The following EXOC1 variants were observed in gnomAD, a reference collection of about 807,000 sequenced individuals.
EXOC1 encodes SEC3-like 1.
EXOC1 carries 67 observed loss-of-function variants against 107.7 expected under a neutral mutation model. The observed-to-expected ratio is 0.62, with a 90% CI of 0.51 to 0.76. The LOEUF (loss-of-function observed/expected upper bound fraction) is 0.76, where lower values mean the gene tolerates loss of function less well. EXOC1 is among the 30% of genes least tolerant of loss of function. EXOC1 has a pLI of 0.00. For missense variants in EXOC1, 833 were observed against 1,055.7 expected (o/e 0.79, Z 2.92); for synonymous variants, 348 against 353.5 (o/e 0.98, Z 0.17).
intron 10 of EXOC1, among the ~76,000 whole-genome samples, chr4:55,885,024 A>G (rs777767294): frequency 5.9e-5 from 9 of 152,210 alleles, no homozygotes; most frequent in Non-Finnish European, 1.0e-4. Flanking sequence ...GCTTTCGGAA[A>G]CAGAAATGCT....
chr4:55,882,144 TC>T (rs1723458523), intron 9 of EXOC1, among the ~76,000 whole-genome samples: 2 of 152,120 alleles, frequency 1.3e-5, no homozygotes, highest in Non-Finnish European at 2.9e-5. Flanking sequence ...GTTTTTGTTT[TC>T]GTTTTTGTTT....
intron 9 of EXOC1, among the ~76,000 whole-genome samples, chr4:55,880,576 A>G (rs182166749): frequency 2.9e-3 from 438 of 152,318 alleles, no homozygotes; most frequent in Non-Finnish European, 4.5e-3. Flanking sequence ...TATTTCCTTA[A>G]GAGTTTTGTG....
At position 55,870,675 on chromosome 4, in the gene EXOC1, T is replaced by G; in HGVS notation, c.604-3T>G. On this transcript the variant is annotated splice_region_variant and splice_polypyrimidine_tract_variant and intron_variant, in intron 5 of 18. Transcript: ENST00000381295. Reference sequence around the variant, plus strand: ...TTGTTTGTTTTGGTCTTTAACTTTGTAGGCTAACATCCAGTCAATCATGGC... The same window carrying G: ...TTGTTTGTTTTGGTCTTTAACTTTGGAGGCTAACATCCAGTCAATCATGGC... 1 of 1,611,402 alleles carries G rather than the reference T, an allele frequency of 6.2e-7. No individual in the cohort carries two copies. The highest frequency in any genetic ancestry group is 8.5e-7 in the Non-Finnish European group (1 of 1,177,994).
At chr4:55,897,622 T>C (rs1265601416) in intron 16 of EXOC1, among the ~76,000 whole-genome samples, 1 of 152,002 alleles carries the variant, frequency 6.6e-6, no homozygotes, top group Non-Finnish European at 1.5e-5. Context: ...AGCTAAAAAA[T>C]TGATAGAAAA....
chr4:55,861,745 T>C (rs1366262283), intron 3 of EXOC1, among the ~76,000 whole-genome samples: 1 of 152,102 alleles, frequency 6.6e-6, no homozygotes, highest in African/African-American at 2.4e-5. Context: ...GAAAGAAAAT[T>C]ATAATGGGAT....
At chr4:55,891,774 A>G (rs1560356847) in intron 13 of EXOC1, among the ~76,000 whole-genome samples, 1 of 152,232 alleles carries the variant, frequency 6.6e-6, no homozygotes, top group Non-Finnish European at 1.5e-5. Context: ...ATGTTTTAAA[A>G]TGATGTTAGA....
intron 18 of EXOC1, among the ~76,000 whole-genome samples, chr4:55,903,920 A>G (rs2109529504): frequency 6.6e-6 from 1 of 152,292 alleles, no homozygotes; most frequent in East Asian, 1.9e-4. Context: ...TAGGAAATGA[A>G]ATTAAAGCAT....
At chr4:55,879,535 A>G (rs1205106590) in intron 9 of EXOC1, among the ~76,000 whole-genome samples, 1 of 152,148 alleles carries the variant, frequency 6.6e-6, no homozygotes, top group Non-Finnish European at 1.5e-5. Flanking sequence ...TGTGCATGAC[A>G]TTGCAGGGTA....
chr4:55,899,965 T>A, intron 17 of EXOC1, 81 bp downstream of exon 17: 1 of 1,242,756 alleles, frequency 8.0e-7, no homozygotes, highest in Non-Finnish European at 1.1e-6. Context: ...TGCAGACATT[T>A]ATCTTAAATT....
chr4:55,897,200 C>T (rs567026888), intron 16 of EXOC1, among the ~76,000 whole-genome samples: 4 of 151,044 alleles, frequency 2.6e-5, no homozygotes, highest in African/African-American at 9.7e-5. Context: ...GATCTTGGCT[C>T]ACTGCAACCT....
At chr4:55,857,580 A>G (rs1289677424) in intron 1 of EXOC1, among the ~76,000 whole-genome samples, 1 of 152,208 alleles carries the variant, frequency 6.6e-6, no homozygotes, top group African/African-American at 2.4e-5. Flanking sequence ...GGCTATTGCA[A>G]ATAGTGCTAC....
rs1000552518 is a variant in EXOC1 at position 55,873,523 on chromosome 4, T to C, written c.1074+1565T>C. ...AAATACCAGCCAGTAAACAATAGTC[T>C]TTTCTGTACCCTTAACTGTTTGTTG... On this transcript the variant is annotated intron_variant, in intron 8 of 18. Coordinates refer to ENST00000381295, the MANE Select transcript of EXOC1 (RefSeq NM_001024924.2). Among the ~76,000 whole-genome samples the C allele has an allele frequency of 2.6e-5, 4 of 152,204 alleles. No individual in the cohort carries two copies. The East Asian group carries it at 7.7e-4, about 29-fold the overall frequency.
At chr4:55,861,136 C>T (rs533581999) in intron 3 of EXOC1, among the ~76,000 whole-genome samples, 27 of 152,222 alleles carry the variant, frequency 1.8e-4, no homozygotes, top group African/African-American at 5.3e-4. Context: ...CAGTTCAAAG[C>T]TTTCACAGCA....
In EXOC1 at chr4:55,904,544, A is replaced by T. The variant is rs1371055954; in HGVS notation, c.*49A>T. On this transcript the variant is annotated 3_prime_UTR_variant, in exon 19 of 19. Transcript: ENST00000381295. ...ACTGAATGAAGCATTTGAGTATAACAGACACTATACCAAAATACCAAGCAA... is the reference window on the plus strand; with the variant it reads ...ACTGAATGAAGCATTTGAGTATAACTGACACTATACCAAAATACCAAGCAA... 1 of 1,534,968 alleles carries T rather than the reference A, an allele frequency of 6.5e-7. No individual in the cohort carries two copies.
chr4:55,899,866 A>G lies in EXOC1; in HGVS notation c.2319A>G (p.Gln773=). The stretch of plus-strand genomic sequence containing the variant: ...CTTATGTCATTTACTCTTTAGGACA[A>G]CCTCTTGAAAAACTAAATGTAAATA... ...LQSYVIYSLG[Q]PLEKLNHFFE... is the part of the protein sequence containing the mutation. The change falls in exon 17 of 19, where the codon CAA becomes CAG. Residue 773 remains glutamine (Q), a synonymous_variant. Coordinates refer to ENST00000381295, the MANE Select transcript of EXOC1 (RefSeq NM_001024924.2). The G allele has an allele frequency of 6.2e-7, 1 of 1,606,216 alleles. No individual in the cohort carries two copies. Among genetic ancestry groups the G allele is most frequent in the Non-Finnish European group, 8.5e-7 (1 of 1,177,180 alleles).
intron 12 of EXOC1, 90 bp from the exon 13 acceptor site, chr4:55,891,225 G>T (rs1724506478): frequency 5.2e-6 from 4 of 770,758 alleles, no homozygotes; most frequent in Admixed American, 4.2e-5. Flanking sequence ...TGGATCCATG[G>T]TCTGTGCAGA....
intron 15 of EXOC1, among the ~76,000 whole-genome samples, chr4:55,896,011 A>G (rs1466139829): frequency 1.3e-5 from 2 of 152,216 alleles, no homozygotes; most frequent in Non-Finnish European, 2.9e-5. Context: ...GGGATCCTAT[A>G]GGTGCTCTGG....
At position 55,893,623 on chromosome 4, in the gene EXOC1, C is replaced by T; in HGVS notation, c.1796C>T (p.Ala599Val). ...CIEPELNNLI[A>V]LGDKIDSFNS... is the part of the protein sequence containing the mutation. ...GAGCCAGAGCTGAACAACCTAATTGCATTAGGAGACAAAATTGATAGCTTT... is the reference window on the plus strand; with the variant it reads ...GAGCCAGAGCTGAACAACCTAATTGTATTAGGAGACAAAATTGATAGCTTT... The change falls in exon 15 of 19, where the codon GCA (alanine) becomes GTA (valine). Residue 599 changes from alanine (A) to valine (V), a missense_variant. Ala to Val is a moderately conservative substitution (Grantham distance 64). This residue lies in a region of EXOC1 where 216 missense variants were observed against 354.4 expected (regional missense o/e 0.61). Coordinates refer to ENST00000381295, the MANE Select transcript of EXOC1 (RefSeq NM_001024924.2). The T allele has an allele frequency of 6.2e-7, 1 of 1,614,004 alleles. No homozygotes were observed. Among genetic ancestry groups the T allele is most frequent in the Non-Finnish European group, 8.5e-7 (1 of 1,179,954 alleles).
chr4:55,872,781 T>A, intron 8 of EXOC1: 1 of 980,366 alleles, frequency 1.0e-6, no homozygotes, highest in Non-Finnish European at 1.2e-6. Flanking sequence ...TTCAACTCTA[T>A]AACAGGTCCT....
Sources: allele counts gnomAD v4.1 joint callset (sites outside exome capture counted in the v4.1 genomes callset), GRCh38; gene constraint gnomAD v4.1.1; regional missense constraint gnomAD v4.1.1; transcripts MANE v1.5; gene names NCBI Gene and HGNC (gene_info 2026-07-23, HGNC 2026-07-21).